Variants in RALYL observed in about 807,000 individuals in gnomAD.
RALYL encodes the protein RALY RNA binding protein like.
Under a neutral mutation model 35.1 loss-of-function variants are expected in RALYL, and 29 were observed. That is an observed-to-expected ratio of 0.83 (90% CI 0.61 to 1.13). The LOEUF is 1.13. Ranked by LOEUF, RALYL falls within the 50% of genes most tolerant of loss-of-function variation. RALYL has a pLI of 0.00. For synonymous variants in RALYL, 120 were observed against 127.6 expected, an observed-to-expected ratio of 0.94 and a Z score of 0.40; for missense variants, 359 against 360.4, an observed-to-expected ratio of 1.00 and a Z score of 0.03.
Position 84,878,273 on chromosome 8 carries a change from G to A in RALYL, c.685+4876G>A, listed in dbSNP as rs372419672. On this transcript the variant is annotated intron_variant, in intron 7 of 8. Coordinates refer to ENST00000521268, the MANE Select transcript of RALYL (RefSeq NM_173848.7). ...AAAAGCAGAGAGGGAGAAAGTTTCC[G>A]TAATTACTGTAGAAATGCCCACCTT... 1.2e-4 allele frequency among the ~76,000 whole-genome samples: 19 copies of A among 152,190 alleles called. 1 individual carries two copies. In the East Asian group the frequency reaches 1.5e-3, roughly 12 times the overall value.
intron 1 of RALYL, among the ~76,000 whole-genome samples, chr8:84,224,112 G>A (rs570643314): frequency 1.5e-3 from 235 of 152,134 alleles, no homozygotes; most frequent in Non-Finnish European, 2.2e-3. Flanking sequence ...GGTCCCTACC[G>A]TTGGCACTGT....
At chr8:84,791,472 C>T (rs756263502) in intron 3 of RALYL, among the ~76,000 whole-genome samples, 10 of 152,184 alleles carry the variant, frequency 6.6e-5, no homozygotes, top group Non-Finnish European at 1.2e-4. Flanking sequence ...GGGTTTCACT[C>T]TGAGTAAAAT....
intron 1 of RALYL, among the ~76,000 whole-genome samples, chr8:84,224,073 T>C (rs2131345857): frequency 6.6e-6 from 1 of 152,300 alleles, no homozygotes; most frequent in Middle Eastern, 3.4e-3. Context: ...TCTGTTTCTC[T>C]AATACCACCC....
In RALYL at chr8:84,398,632, T is replaced by C. The variant is rs537945085; in HGVS notation, c.-23-130667T>C. On this transcript the variant is annotated intron_variant, in intron 1 of 8. Coordinates refer to ENST00000521268, the MANE Select transcript of RALYL (RefSeq NM_173848.7). ...ATACATGGAACATATGTCTGAAAAC[T>C]ACCTTATTTTGGAACTTAAGAATTG... Among the ~76,000 whole-genome samples, 14 of 152,246 alleles carry C rather than the reference T, an allele frequency of 9.2e-5. No homozygotes were observed. The South Asian group carries it at 2.5e-3, about 27-fold the overall frequency.
intron 2 of RALYL, among the ~76,000 whole-genome samples, chr8:84,559,978 T>G (rs926422706): frequency 6.6e-6 from 1 of 151,800 alleles, no homozygotes; most frequent in Admixed American, 6.6e-5. Flanking sequence ...ATTAGGTTTT[T>G]TTTTTTTTTT....
At chr8:84,429,038 C>T (rs1037789072) in intron 1 of RALYL, among the ~76,000 whole-genome samples, 8 of 152,122 alleles carry the variant, frequency 5.3e-5, no homozygotes, top group Middle Eastern at 3.2e-3. Context: ...TTTATGGCAA[C>T]ATTCCTTTAT....
At chr8:84,261,399 G>A (rs1832280083) in intron 1 of RALYL, among the ~76,000 whole-genome samples, 1 of 152,106 alleles carries the variant, frequency 6.6e-6, no homozygotes. Flanking sequence ...CTTATAGTAA[G>A]TTCTGAGGAG....
intron 2 of RALYL, among the ~76,000 whole-genome samples, chr8:84,733,906 A>G (rs973152411): frequency 2.0e-5 from 3 of 152,224 alleles, no homozygotes; most frequent in Admixed American, 6.6e-5. Context: ...TCTGAATTGT[A>G]TGTTCAAAGA....
At chr8:84,770,140 C>A (rs1484401225) in intron 2 of RALYL, among the ~76,000 whole-genome samples, 6 of 151,868 alleles carry the variant, frequency 4.0e-5, no homozygotes, top group Non-Finnish European at 7.4e-5. Flanking sequence ...TCTGATGCAC[C>A]CACCACCCTA....
chr8:84,707,723 A>G (rs1423675410), intron 2 of RALYL, among the ~76,000 whole-genome samples: 1 of 152,154 alleles, frequency 6.6e-6, no homozygotes, highest in African/African-American at 2.4e-5. Context: ...ATAAAATATC[A>G]GAGAGCAGGA....
intron 1 of RALYL, among the ~76,000 whole-genome samples, chr8:84,412,772 T>C (rs72679318): frequency 6.6e-6 from 1 of 152,104 alleles, no homozygotes; most frequent in Non-Finnish European, 1.5e-5. Context: ...GCTTTGTCAT[T>C]AAGGACCCAG....
intron 1 of RALYL, among the ~76,000 whole-genome samples, chr8:84,261,408 A>C (rs2131815909): frequency 6.6e-6 from 1 of 152,228 alleles, no homozygotes. Flanking sequence ...AGTTCTGAGG[A>C]GATCTGGTGG....
rs114555715 is a variant in RALYL, at chr8:84,231,818, G to A, written c.-24+47394G>A. ...GAATAGTTACCATATACCAGGCCCT[G>A]TCCATGAGAAGATAGTTAAATATCT... is the stretch of plus-strand genomic sequence containing the variant. On this transcript the variant is annotated intron_variant, in intron 1 of 8. Transcript: ENST00000521268. Among the ~76,000 whole-genome samples the A allele has an allele frequency of 1.1e-3, 175 of 152,246 alleles. 1 individual carries two copies. Among genetic ancestry groups the A allele is most frequent in the African/African-American group, 4.1e-3 (172 of 41,540 alleles).
intron 1 of RALYL, among the ~76,000 whole-genome samples, chr8:84,370,617 A>G (rs946985088): frequency 1.2e-4 from 18 of 152,080 alleles, no homozygotes; most frequent in African/African-American, 3.4e-4. Context: ...AGAGCAGCAG[A>G]AAAAGGCAGT....
intron 2 of RALYL, among the ~76,000 whole-genome samples, chr8:84,697,112 G>A (rs1839299014): frequency 1.3e-5 from 2 of 151,914 alleles, no homozygotes; most frequent in African/African-American, 4.8e-5. Flanking sequence ...AGGCTGAAAT[G>A]AATTCTATTA....
chr8:84,287,872 C>T (rs1837968667), intron 1 of RALYL, among the ~76,000 whole-genome samples: 1 of 152,122 alleles, frequency 6.6e-6, no homozygotes, highest in Non-Finnish European at 1.5e-5. Context: ...ACTTTGGAGT[C>T]TAGGGCACTC....
chr8:84,711,944 T>C (rs1377836730), intron 2 of RALYL, among the ~76,000 whole-genome samples: 1 of 152,208 alleles, frequency 6.6e-6, no homozygotes, highest in Non-Finnish European at 1.5e-5. Context: ...ATCTTAAGTG[T>C]TGATCTTTTT....
intron 2 of RALYL, among the ~76,000 whole-genome samples, chr8:84,591,791 C>A (rs1382454683): frequency 1.3e-5 from 2 of 152,048 alleles, no homozygotes; most frequent in African/African-American, 2.4e-5. Flanking sequence ...AGAAAGAACA[C>A]GGAAAAGCAA....
chr8:84,632,687 G>A (rs16913056), intron 2 of RALYL, among the ~76,000 whole-genome samples: 46,426 of 151,356 alleles, frequency 0.31, 8,177 homozygotes, highest in African/African-American at 0.48. Flanking sequence ...GACTTATTCC[G>A]GATGAGATCA....
Sources: gnomAD v4.1 joint callset for allele counts (sites outside exome capture counted in the v4.1 genomes callset) on GRCh38, gnomAD v4.1.1 for gene constraint, MANE v1.5 for transcripts, NCBI Gene and HGNC (gene_info 2026-07-23, HGNC 2026-07-21) for gene names.